The following TNFAIP3 variants were observed in gnomAD, a reference collection of about 807,000 sequenced individuals.
The protein encoded by TNFAIP3 is tumor necrosis factor alpha-induced protein 3.
Under a neutral mutation model 72.4 loss-of-function variants are expected in TNFAIP3, and 9 were observed. That is an observed-to-expected ratio of 0.12 (90% confidence interval 0.07 to 0.22). The LOEUF is 0.22. Among genes scored for constraint, TNFAIP3 ranks in the 10% least tolerant of loss-of-function variants. The pLI, the probability that TNFAIP3 is intolerant of heterozygous loss-of-function variation, is 1.00. For missense variants in TNFAIP3, 833 were observed against 1,018.7 expected (o/e 0.82, Z 2.48); for synonymous variants, 339 against 372.6 (o/e 0.91, Z 1.04).
chr6:137,871,233 T>C lies in TNFAIP3; in HGVS notation c.6T>C (p.Ala2=), dbSNP rs1267701615. ...TTCAGGTGTTGGAGAGCACAATGGCTGAACAAGTCCTTCCTCAGGCTTTGT... is the reference window on the plus strand; with the variant it reads ...TTCAGGTGTTGGAGAGCACAATGGCCGAACAAGTCCTTCCTCAGGCTTTGT... M[A]EQVLPQALYL... is the part of the protein sequence containing the mutation. The change falls in exon 2 of 9, where the codon GCT becomes GCC. Residue 2 remains alanine, a synonymous_variant. Coordinates refer to ENST00000612899, the MANE Select transcript of TNFAIP3 (RefSeq NM_001270508.2). This position sits in a 1 kb window ranked among gnomAD's most constrained non-coding sequence, Gnocchi z 4.2. 3 of 1,611,358 alleles carry C rather than the reference T, an allele frequency of 1.9e-6. No individual in the cohort carries two copies. Among genetic ancestry groups the C allele is most frequent in the Non-Finnish European group, 2.5e-6 (3 of 1,178,418 alleles).
rs2307859 is a variant in TNFAIP3, at chr6:137,874,824, TCTC to T, written c.296-15_296-13del. 0.62 allele frequency: 1,000,611 copies of T among 1,603,882 alleles called. 322,124 individuals carry two copies. The highest frequency in any genetic ancestry group is 0.86 in the East Asian group (38,227 of 44,628). The stretch of plus-strand genomic sequence containing the variant: ...GCAGATAACTTGACTTTCCTTCTCT[TCTC>T]CTCCTTTCTGTCCTCAGGTGACGGC... On this transcript the variant is annotated intron_variant, in intron 2 of 8. Transcript: ENST00000612899.
In TNFAIP3 at chr6:137,867,485, GCCCGGAGAGGTAACCGCCGCGCCT is replaced by G; in HGVS notation, c.-21_-16+18del. On this transcript the variant is annotated 5_prime_UTR_variant, in exon 1 of 9. Coordinates refer to ENST00000612899, the MANE Select transcript of TNFAIP3 (RefSeq NM_001270508.2). This position sits in a 1 kb window ranked among gnomAD's most constrained non-coding sequence, Gnocchi z 6.0. The stretch of plus-strand genomic sequence containing the variant: ...TGGGACTTTGCGAAAGGATCGCGGG[GCCCGGAGAGGTAACCGCCGCGCCT>G]CCCGGAGAGGTAACCGCCGCGCCTC... 0.055 allele frequency: 8,329 copies of G among 152,254 alleles called. 311 individuals carry two copies. Among genetic ancestry groups the G allele is most frequent in the African/African-American group, 0.099 (4,068 of 41,224 alleles). The allele number at this position is 152,254 out of a possible 1,614,324, so 9.4% of individuals were successfully genotyped here. A position where few individuals can be genotyped will look rare whatever the true frequency, so the allele number is the denominator to read the frequency against.
chr6:137,876,336 C>A (rs539644419), intron 5 of TNFAIP3, 170 bp downstream of exon 5: 2 of 610,464 alleles, frequency 3.3e-6, no homozygotes, highest in East Asian at 2.9e-5. Flanking sequence ...AATCATAATA[C>A]CCTCATATCT....
Position 137,881,070 on chromosome 6 carries a change from A to G in TNFAIP3, c.2124A>G (p.Thr708=). ...SSQRRDVPRT[T]QSTSRPKCAR... ...AGCGCAGAGATGTGCCTCGAACCAC[A>G]CAAAGCACCTCAAGGCCCAAGTGCG... Residue 708 remains threonine (T), a synonymous_variant, in exon 9 of 9, where the codon ACA becomes ACG. Transcript: ENST00000612899. This position sits in a 1 kb window ranked among gnomAD's most constrained non-coding sequence, Gnocchi z 5.0. 6.2e-7 allele frequency: 1 copy of G among 1,613,366 alleles called. No homozygotes were observed. The highest frequency in any genetic ancestry group is 8.5e-7 in the Non-Finnish European group (1 of 1,179,692).
At position 137,881,192 on chromosome 6, in the gene TNFAIP3, G is replaced by A. The variant is rs201238112; in HGVS notation, c.2246G>A (p.Arg749Gln). The A allele has an allele frequency of 6.6e-5, 106 of 1,613,512 alleles. No homozygotes were observed. The highest frequency in any genetic ancestry group is 2.5e-4 in the East Asian group (11 of 44,826). ...PNQRMGPGAH[R>Q]GEPAPEDPPK... ...CAGAGGATGGGCCCTGGGGCCCACCGGGGTGAGCCTGCCCCCGAAGACCCC... is the reference window on the plus strand; with the variant it reads ...CAGAGGATGGGCCCTGGGGCCCACCAGGGTGAGCCTGCCCCCGAAGACCCC... Residue 749 changes from arginine to glutamine, a missense_variant, in exon 9 of 9, where the codon CGG (arginine) becomes CAG (glutamine). Physicochemically the swap from Arg to Gln is conservative, Grantham distance 43. Transcript: ENST00000612899. The surrounding 1 kb of genome is among the most constrained non-coding windows in gnomAD (Gnocchi z 5.0).
intron 2 of TNFAIP3, among the ~76,000 whole-genome samples, chr6:137,872,237 T>C (rs1776087781): frequency 1.3e-5 from 2 of 152,216 alleles, no homozygotes; most frequent in African/African-American, 4.8e-5. Flanking sequence ...ACTGTTTTGT[T>C]TTTTAATCAT....
upstream of TNFAIP3, chr6:137,867,243 G>C (rs1352785858): frequency 1.3e-5 from 2 of 152,200 alleles, no homozygotes; most frequent in African/African-American, 4.8e-5. This position sits in a 1 kb window ranked among gnomAD's most constrained non-coding sequence, Gnocchi z 6.0. Context: ...AACTGAAACG[G>C]GGCAAAGCAG....
At chr6:137,874,322 G>T (rs1776158298) in intron 2 of TNFAIP3, among the ~76,000 whole-genome samples, 1 of 152,206 alleles carries the variant, frequency 6.6e-6, no homozygotes, top group African/African-American at 2.4e-5. Flanking sequence ...AAGTGGAATG[G>T]TCAAGTCATT....
intron 2 of TNFAIP3, among the ~76,000 whole-genome samples, chr6:137,873,200 T>C (rs1028199631): frequency 8.5e-5 from 13 of 152,170 alleles, no homozygotes; most frequent in African/African-American, 3.1e-4. Context: ...AACAAATGAC[T>C]TTTTCTTTGA....
chr6:137,878,839 C>G lies in TNFAIP3; in HGVS notation c.1394C>G (p.Pro465Arg). ...GGPHSAPPTA[P>R]SPFLFSETTA... ...CCTCATTCGGCCCCACCGACAGCAC[C>G]CAGCCCTTTTCTGTTCAGTGAGACC... Residue 465 changes from proline (P) to arginine (R), a missense_variant, in exon 7 of 9, where the codon CCC becomes CGC. Physicochemically the swap from Pro to Arg is moderately radical, Grantham distance 103. Around this residue, in one of 2 missense-constraint regions of TNFAIP3, gnomAD observed 587 missense variants for 657.8 expected, o/e 0.89. Coordinates refer to ENST00000612899, the MANE Select transcript of TNFAIP3 (RefSeq NM_001270508.2). The G allele has an allele frequency of 1.9e-6, 3 of 1,614,170 alleles. No individual in the cohort carries two copies. The highest frequency in any genetic ancestry group is 8.5e-7 in the Non-Finnish European group (1 of 1,180,038).
rs775655846 is a variant in TNFAIP3 at position 137,867,988 on chromosome 6, T to G, written c.-16+446T>G. 6.6e-6 allele frequency: 1 copy of G among 152,620 alleles called. No individual in the cohort carries two copies. The highest frequency in any genetic ancestry group is 1.9e-4 in the East Asian group (1 of 5,352). 9.5% of individuals were successfully genotyped at this position (152,620 alleles called of 1,614,324 possible). A position where few individuals can be genotyped will look rare whatever the true frequency, so the allele number is the denominator to read the frequency against. Reference sequence around the variant, plus strand: ...CCCGACGGGGCGTAGGGTACCGCAGTGGCCGCCAGCCCGGCGGAGGTGGGG... The same window carrying G: ...CCCGACGGGGCGTAGGGTACCGCAGGGGCCGCCAGCCCGGCGGAGGTGGGG... On this transcript the variant is annotated intron_variant, in intron 1 of 8. Transcript: ENST00000612899. The surrounding 1 kb of genome is among the most constrained non-coding windows in gnomAD (Gnocchi z 6.0).
Position 137,876,038 on chromosome 6 carries a change from C to A in TNFAIP3, c.677C>A (p.Pro226His), listed in dbSNP as rs151032703. Residue 226 changes from proline to histidine, a missense_variant, in exon 5 of 9, where the codon CCT (proline) becomes CAT (histidine). Physicochemically the swap from Pro to His is moderately conservative, Grantham distance 77. Transcript: ENST00000612899. ...RSLESGSNFA[P>H]LKVGGIYLPL... ...TTGGAATCAGGTTCCAATTTCGCCC[C>A]TTTGAAAGTGGGTGGAATTTACTTG... is the stretch of plus-strand genomic sequence containing the variant. 2 of 1,613,924 alleles carry A rather than the reference C, an allele frequency of 1.2e-6. No homozygotes were observed. Among genetic ancestry groups the A allele is most frequent in the African/African-American group, 2.7e-5 (2 of 74,928 alleles).
At position 137,875,934 on chromosome 6, in the gene TNFAIP3, T is replaced by C. The variant is rs1451044701; in HGVS notation, c.635-62T>C. On this transcript the variant is annotated intron_variant, in intron 4 of 8. Coordinates refer to ENST00000612899, the MANE Select transcript of TNFAIP3 (RefSeq NM_001270508.2). Reference sequence around the variant, plus strand: ...CACTGCCAAAGTTCAGGTAACAGAGTTCAATGGAATTTGATGAAAGTCACC... The same window carrying C: ...CACTGCCAAAGTTCAGGTAACAGAGCTCAATGGAATTTGATGAAAGTCACC... 2.2e-5 allele frequency: 35 copies of C among 1,598,810 alleles called. No individual in the cohort carries two copies. The South Asian group carries it at 3.8e-4, about 17-fold the overall frequency.
In TNFAIP3 at chr6:137,875,359, C is replaced by T. The variant is rs74806624; in HGVS notation, c.486+324C>T. 1.1e-4 allele frequency among the ~76,000 whole-genome samples: 16 copies of T among 152,272 alleles called. 1 individual carries two copies. The East Asian group carries it at 3.1e-3, about 29-fold the overall frequency. Reference sequence around the variant, plus strand: ...TGAGCCAGCCAGTAAGATTAAGACACGTGCCTCACCATCCTCAGTCACAAG... The same window carrying T: ...TGAGCCAGCCAGTAAGATTAAGACATGTGCCTCACCATCCTCAGTCACAAG... On this transcript the variant is annotated intron_variant, in intron 3 of 8. Transcript: ENST00000612899.
At chr6:137,866,681 G>T (rs769216773), upstream of TNFAIP3, 1 of 152,430 alleles carries the variant, frequency 6.6e-6, no homozygotes, top group Non-Finnish European at 1.5e-5. Context: ...GGGACCAAAG[G>T]CTGTCACCGC....
rs189315611 is a variant in TNFAIP3 at position 137,873,673 on chromosome 6, A to G, written c.296-1172A>G. On this transcript the variant is annotated intron_variant, in intron 2 of 8. Transcript: ENST00000612899. Reference sequence around the variant, plus strand: ...CTTTGCTCTAGATTTTGCAAAGGGGAAATTTCAACAGAACGCAATCATTGC... The same window carrying G: ...CTTTGCTCTAGATTTTGCAAAGGGGGAATTTCAACAGAACGCAATCATTGC... Among the ~76,000 whole-genome samples, 268 of 152,304 alleles carry G rather than the reference A, an allele frequency of 1.8e-3. 2 individuals are homozygous for G. The highest frequency in any genetic ancestry group is 1.6e-3 in the Non-Finnish European group (107 of 68,024).
rs1165647570 is a variant in TNFAIP3 at position 137,882,504 on chromosome 6, A to G, written c.*1185A>G. The G allele has an allele frequency of 4.3e-6, 1 of 232,372 alleles. No homozygotes were observed. Among genetic ancestry groups the G allele is most frequent in the Non-Finnish European group, 8.5e-6 (1 of 117,484 alleles). The allele number at this position is 232,372 out of a possible 1,614,324, so 14.4% of individuals were successfully genotyped here. A position where few individuals can be genotyped will look rare whatever the true frequency, so the allele number is the denominator to read the frequency against. Reference sequence around the variant, plus strand: ...CCCCAGGAAAGAAGGAATTGCATCCAAGGTATACATACATATTCATCGATG... The same window carrying G: ...CCCCAGGAAAGAAGGAATTGCATCCGAGGTATACATACATATTCATCGATG... On this transcript the variant is annotated 3_prime_UTR_variant, in exon 9 of 9. Transcript: ENST00000612899.
At position 137,880,952 on chromosome 6, in the gene TNFAIP3, A is replaced by G. The variant is rs904130716; in HGVS notation, c.2089-83A>G. 1.6e-4 allele frequency: 241 copies of G among 1,460,956 alleles called. 3 individuals carry two copies. The highest frequency in any genetic ancestry group is 7.7e-4 in the South Asian group (58 of 75,366). The allele number at this position is 1,460,956 out of a possible 1,614,324, so 90.5% of individuals were successfully genotyped here. Reference sequence around the variant, plus strand: ...CTCTTTGTAGACTCCACACTCTCCAATGAGATTTCATTGTGCTCTCCCTAA... The same window carrying G: ...CTCTTTGTAGACTCCACACTCTCCAGTGAGATTTCATTGTGCTCTCCCTAA... On this transcript the variant is annotated intron_variant, in intron 8 of 8. Coordinates refer to ENST00000612899, the MANE Select transcript of TNFAIP3 (RefSeq NM_001270508.2).
Position 137,881,596 on chromosome 6 carries a change from G to A in TNFAIP3, c.*277G>A, listed in dbSNP as rs1417211792. On this transcript the variant is annotated 3_prime_UTR_variant, in exon 9 of 9. Coordinates refer to ENST00000612899, the MANE Select transcript of TNFAIP3 (RefSeq NM_001270508.2). This position sits in a 1 kb window ranked among gnomAD's most constrained non-coding sequence, Gnocchi z 5.0. ...CCTCTCCTACCAAGCAGGAGGCCAG[G>A]AACTTCTTTGGACTTGGAAGGTGTG... 2.6e-6 allele frequency: 1 copy of A among 386,928 alleles called. No homozygotes were observed. Among genetic ancestry groups the A allele is most frequent in the Non-Finnish European group, 4.6e-6 (1 of 217,516 alleles). The allele number at this position is 386,928 out of a possible 1,614,324, so 24.0% of individuals were successfully genotyped here. A position where few individuals can be genotyped will look rare whatever the true frequency, so the allele number is the denominator to read the frequency against.
Sources: allele counts gnomAD v4.1 joint callset (sites outside exome capture counted in the v4.1 genomes callset), GRCh38; gene constraint gnomAD v4.1.1; regional missense constraint gnomAD v4.1.1; non-coding constraint Gnocchi (gnomAD v3.1); transcripts MANE v1.5; gene names NCBI Gene and HGNC (gene_info 2026-07-23, HGNC 2026-07-21).